The following C10orf90 variants were observed in gnomAD, a reference collection of about 807,000 sequenced individuals.
C10orf90 encodes chromosome 10 open reading frame 90, also known as (E2-independent) E3 ubiquitin-conjugating enzyme FATS.
C10orf90 carries 56 observed loss-of-function variants against 62.5 expected under a neutral mutation model. The observed-to-expected ratio is 0.90, with a 90% CI of 0.72 to 1.12. The LOEUF (loss-of-function observed/expected upper bound fraction) is 1.12, where lower values mean the gene tolerates loss of function less well. Among genes scored for constraint, C10orf90 ranks in the 50% most tolerant of loss-of-function variants. The probability of loss-of-function intolerance (pLI) is 0.00; values close to 1 mark genes in which losing one functional copy is unlikely to be tolerated. For missense variants in C10orf90, 970 were observed against 880.4 expected (o/e 1.10, Z -1.29); for synonymous variants, 386 against 340.4 (o/e 1.13, Z -1.47).
chr10:126,553,148 GA>G (rs1468810938), intron 2 of C10orf90, among the ~76,000 whole-genome samples: 1 of 151,422 alleles, frequency 6.6e-6, no homozygotes, highest in African/African-American at 2.4e-5. Context: ...GATTTTAAGA[GA>G]AAAAAGGATA....
intron 4 of C10orf90, among the ~76,000 whole-genome samples, chr10:126,474,126 T>C (rs1177782857): frequency 1.3e-5 from 2 of 152,138 alleles, no homozygotes; most frequent in Non-Finnish European, 2.9e-5. Flanking sequence ...TTGTAACCAG[T>C]TCCCAAGTGG....
At chr10:126,542,703 A>G (rs1864405102) in intron 2 of C10orf90, among the ~76,000 whole-genome samples, 1 of 152,180 alleles carries the variant, frequency 6.6e-6, no homozygotes, top group South Asian at 2.1e-4. Flanking sequence ...AGCATGGCAA[A>G]TACACACACA....
At chr10:126,510,265 T>C (rs1175076012) in intron 3 of C10orf90, among the ~76,000 whole-genome samples, 2 of 152,172 alleles carry the variant, frequency 1.3e-5, no homozygotes, top group African/African-American at 2.4e-5. Flanking sequence ...TCACTTTGTG[T>C]TGCATCCCTC....
intron 2 of C10orf90, among the ~76,000 whole-genome samples, chr10:126,584,218 C>T (rs1394153220): frequency 6.6e-6 from 1 of 152,168 alleles, no homozygotes; most frequent in Non-Finnish European, 1.5e-5. Flanking sequence ...ATCTGTCCAT[C>T]TGTCTACTTG....
chr10:126,472,486 C>A (rs139557379), intron 4 of C10orf90, among the ~76,000 whole-genome samples: 1 of 152,064 alleles, frequency 6.6e-6, no homozygotes, highest in Admixed American at 6.5e-5. Context: ...TACCCACTGA[C>A]ACATAACAGC....
intron 1 of C10orf90, among the ~76,000 whole-genome samples, chr10:126,665,869 C>A (rs1390560187): frequency 6.6e-6 from 1 of 152,178 alleles, no homozygotes; most frequent in Non-Finnish European, 1.5e-5. Context: ...CTTCCCAGGT[C>A]TTTGCCTGAA....
At chr10:126,503,522 G>C (rs1437278753) in intron 4 of C10orf90, among the ~76,000 whole-genome samples, 1 of 152,114 alleles carries the variant, frequency 6.6e-6, no homozygotes, top group East Asian at 1.9e-4. Flanking sequence ...ATATCAATGA[G>C]GCTAACTTGA....
chr10:126,508,820 G>C (rs1017744260), intron 3 of C10orf90, among the ~76,000 whole-genome samples: 2 of 152,188 alleles, frequency 1.3e-5, no homozygotes, highest in Non-Finnish European at 2.9e-5. Flanking sequence ...AGTATCAAGA[G>C]AGTACCTACT....
chr10:126,633,729 C>G (rs1309114638), intron 2 of C10orf90, among the ~76,000 whole-genome samples: 1 of 152,182 alleles, frequency 6.6e-6, no homozygotes, highest in Non-Finnish European at 1.5e-5. Flanking sequence ...CACTCTATTT[C>G]CCTCTTCCCA....
chr10:126,427,451 G>A (rs1010611463), intron 8 of C10orf90, among the ~76,000 whole-genome samples: 4 of 152,194 alleles, frequency 2.6e-5, no homozygotes, highest in African/African-American at 9.6e-5. Flanking sequence ...ATTTCTGGGT[G>A]TGTCTGTGAG....
intron 2 of C10orf90, among the ~76,000 whole-genome samples, chr10:126,631,090 T>A (rs1284937376): frequency 6.6e-6 from 1 of 152,190 alleles, no homozygotes; most frequent in Non-Finnish European, 1.5e-5. Flanking sequence ...TTGGCCAGAT[T>A]ATCCAGGTGT....
rs537472755 is a variant in C10orf90 at position 126,670,352 on chromosome 10, G to T, written c.129C>A (p.Val43=). 59 of 456,674 alleles carry T rather than the reference G, an allele frequency of 1.3e-4. No individual in the cohort carries two copies. Among genetic ancestry groups the T allele is most frequent in the South Asian group, 9.0e-4 (58 of 64,566 alleles). 28.3% of individuals were successfully genotyped at this position (456,674 alleles called of 1,614,324 possible). A position where few individuals can be genotyped will look rare whatever the true frequency, so the allele number is the denominator to read the frequency against. ...FSTELKNHVM[V]MDFVKSNWFP... is the part of the protein sequence containing the mutation. Reference sequence around the variant, plus strand: ...ACCAGTTACTCTTCACAAAATCCATGACCATCACATGGTTTTTCAACTCTG... The same window carrying T: ...ACCAGTTACTCTTCACAAAATCCATTACCATCACATGGTTTTTCAACTCTG... Residue 43 remains valine (V), a synonymous_variant, in exon 1 of 10, where the codon GTC becomes GTA. Coordinates refer to ENST00000488181, the MANE Select transcript of C10orf90 (RefSeq NM_001350921.2).
chr10:126,556,323 G>T (rs1436760885), intron 2 of C10orf90, among the ~76,000 whole-genome samples: 2 of 152,178 alleles, frequency 1.3e-5, no homozygotes, highest in Non-Finnish European at 2.9e-5. Flanking sequence ...GCTGAGTGGG[G>T]ACTCTGCAAA....
chr10:126,635,684 T>A (rs1254406243), intron 2 of C10orf90, among the ~76,000 whole-genome samples: 1 of 152,220 alleles, frequency 6.6e-6, no homozygotes, highest in African/African-American at 2.4e-5. Flanking sequence ...AAATCATGTT[T>A]GACACACTAT....
At chr10:126,601,089 G>A (rs934824955) in intron 2 of C10orf90, among the ~76,000 whole-genome samples, 4 of 152,150 alleles carry the variant, frequency 2.6e-5, no homozygotes, top group Non-Finnish European at 2.9e-5. Context: ...GTGAAATAAA[G>A]CCCACACAGA....
intron 4 of C10orf90, among the ~76,000 whole-genome samples, chr10:126,502,058 A>ACG (rs940224322): frequency 7.0e-6 from 1 of 143,366 alleles, no homozygotes; most frequent in Non-Finnish European, 1.5e-5. Flanking sequence ...CACCACACAC[A>ACG]CGCACACACA....
chr10:126,437,097 C>T (rs781369818), intron 7 of C10orf90, among the ~76,000 whole-genome samples: 10 of 152,162 alleles, frequency 6.6e-5, no homozygotes, highest in Non-Finnish European at 1.3e-4. Flanking sequence ...CTTACAGCAA[C>T]CTACTCAAGC....
intron 2 of C10orf90, among the ~76,000 whole-genome samples, chr10:126,556,301 G>A (rs908989761): frequency 6.6e-6 from 1 of 152,218 alleles, no homozygotes; most frequent in Non-Finnish European, 1.5e-5. Flanking sequence ...CAAGAAGCGA[G>A]ATGGGAGGAG....
At chr10:126,583,507 A>G (rs1469285856) in intron 2 of C10orf90, among the ~76,000 whole-genome samples, 1 of 152,174 alleles carries the variant, frequency 6.6e-6, no homozygotes, top group East Asian at 1.9e-4. Context: ...ATTCTGTTTC[A>G]TATTTATGAG....
Sources: gnomAD v4.1 joint callset for allele counts (sites outside exome capture counted in the v4.1 genomes callset) on GRCh38, gnomAD v4.1.1 for gene constraint, MANE v1.5 for transcripts, NCBI Gene and HGNC (gene_info 2026-07-23, HGNC 2026-07-21) for gene names.